ATRIP: variants seen among roughly 807,000 people sequenced by gnomAD.
ATRIP encodes the protein ATR interacting protein.
Under a neutral mutation model 78.1 loss-of-function variants are expected in ATRIP, and 44 were observed. That is an observed-to-expected ratio of 0.56 (90% confidence interval 0.44 to 0.72). The LOEUF (loss-of-function observed/expected upper bound fraction) is 0.72. Ranked by LOEUF, ATRIP falls within the 30% of genes least tolerant of loss-of-function variation. The pLI, the probability that ATRIP is intolerant of heterozygous loss-of-function variation, is 0.00. For synonymous variants in ATRIP, 388 were observed against 408.9 expected, an observed-to-expected ratio of 0.95 and a Z score of 0.62; for missense variants, 927 against 980.2, an observed-to-expected ratio of 0.95 and a Z score of 0.72.
At chr3:48,464,452 C>A in intron 10 of ATRIP, 130 bp from the exon 11 acceptor site, 1 of 1,078,604 alleles carries the variant, frequency 9.3e-7, no homozygotes, top group Non-Finnish European at 1.4e-6. Context: ...GGTCCCACAC[C>A]ACTTCTTGGA....
chr3:48,449,906 C>G, intron 1 of ATRIP, 131 bp from the exon 2 acceptor site: 1 of 1,019,428 alleles, frequency 9.8e-7, no homozygotes, highest in East Asian at 2.5e-5. Flanking sequence ...CCACTGCACT[C>G]CAACCTGGGT....
In ATRIP at chr3:48,466,132, G is replaced by C. The variant is rs1043666646; in HGVS notation, c.*578G>C. 1.2e-5 allele frequency: 5 copies of C among 428,646 alleles called. No homozygotes were observed. Among genetic ancestry groups the C allele is most frequent in the African/African-American group, 4.0e-5 (2 of 49,634 alleles). The allele number at this position is 428,646 out of a possible 1,614,324, so 26.6% of individuals were successfully genotyped here. A position where few individuals can be genotyped will look rare whatever the true frequency, so the allele number is the denominator to read the frequency against. ...CCCGGGAGCAGGGGAGTGGGTGTGG[G>C]GGGGAACGGATGGTGGTGAGAGGGA... is the stretch of plus-strand genomic sequence containing the variant. On this transcript the variant is annotated 3_prime_UTR_variant, in exon 13 of 13. Coordinates refer to ENST00000320211, the MANE Select transcript of ATRIP (RefSeq NM_130384.3).
At position 48,465,776 on chromosome 3, in the gene ATRIP, G is replaced by A. The variant is rs1190288028; in HGVS notation, c.*222G>A. ...GGCTGTTGCTGAGCCCGTCCCCATG[G>A]TAACTGATCTGCCTTGAGGAAGGAG... is the stretch of plus-strand genomic sequence containing the variant. On this transcript the variant is annotated 3_prime_UTR_variant, in exon 13 of 13. Transcript: ENST00000320211. 3 of 525,512 alleles carry A rather than the reference G, an allele frequency of 5.7e-6. No individual in the cohort carries two copies. In the African/African-American group the frequency reaches 5.8e-5, roughly 10 times the overall value. 32.6% of individuals were successfully genotyped at this position (525,512 alleles called of 1,614,324 possible).
chr3:48,464,475 A>C (rs189157433), intron 10 of ATRIP, 107 bp from the exon 11 acceptor site: 117 of 1,254,276 alleles, frequency 9.3e-5, no homozygotes, highest in Admixed American at 5.9e-4. Context: ...CCATTTGTGC[A>C]GACAAACAGT....
At chr3:48,460,048 T>C (rs1263200987) in intron 7 of ATRIP, 62 bp from the exon 8 acceptor site, 2 of 1,558,050 alleles carry the variant, frequency 1.3e-6, no homozygotes, top group African/African-American at 1.4e-5. Flanking sequence ...GCAGGCTGTT[T>C]GGGGCTCTTG....
At chr3:48,455,868 C>G (rs1054713900) in intron 4 of ATRIP, among the ~76,000 whole-genome samples, 24 of 151,968 alleles carry the variant, frequency 1.6e-4, no homozygotes, top group Non-Finnish European at 3.5e-4. Flanking sequence ...CACCTGTAAT[C>G]CCAACACTTT....
rs2040080036 is a variant in ATRIP, at chr3:48,460,662, C to T, written c.1608C>T (p.His536=). 1.2e-6 allele frequency: 2 copies of T among 1,614,166 alleles called. No homozygotes were observed. Among genetic ancestry groups the T allele is most frequent in the Admixed American group, 1.7e-5 (1 of 60,028 alleles). The stretch of plus-strand genomic sequence containing the variant: ...GGGTTGCTGATGACCAAGGACAGCA[C>T]CCACTGTTGAAGATGCTTCTTCACC... The part of the protein sequence containing the change: ...LRGVADDQGQ[H]PLLKMLLHLL... The change falls in exon 8 of 13, where the codon CAC becomes CAT. Residue 536 remains histidine (H), a synonymous_variant. Transcript: ENST00000320211.
chr3:48,466,269 G>A lies in ATRIP; in HGVS notation c.*715G>A, dbSNP rs891015695. On this transcript the variant is annotated 3_prime_UTR_variant, in exon 13 of 13. Transcript: ENST00000320211. ...CTGCCAGCGAGAGCCGCGGGAGAGT[G>A]TGCAGCCGAGTCACTACTGCCTGCC... The A allele has an allele frequency of 1.6e-6, 1 of 636,266 alleles. No individual in the cohort carries two copies. The highest frequency in any genetic ancestry group is 2.5e-5 in the Admixed American group (1 of 39,710). The allele number at this position is 636,266 out of a possible 1,614,324, so 39.4% of individuals were successfully genotyped here.
chr3:48,460,893 C>T (rs746582647), intron 8 of ATRIP, 94 bp downstream of exon 8: 3 of 1,196,068 alleles, frequency 2.5e-6, no homozygotes, highest in Non-Finnish European at 3.5e-6. Context: ...CACATCTTGA[C>T]TTATCTACAC....
In ATRIP at chr3:48,465,498, G is replaced by T; in HGVS notation, c.2320G>T (p.Asp774Tyr). The change falls in exon 13 of 13, where the codon GAT becomes TAT. Residue 774 changes from aspartate (D) to tyrosine (Y), a missense_variant. By Grantham distance (160) the Asp-to-Tyr change is radical (BLOSUM62 -3). Transcript: ENST00000320211. ...DVTDCEEAAL[D>Y]DLCAAETDVE... ...CCTTTTTGTCTCAGAGGCAGCCCTG[G>T]ATGACCTCTGTGCCGCGGAAACCGA... 6.2e-7 allele frequency: 1 copy of T among 1,613,994 alleles called. No homozygotes were observed. The highest frequency in any genetic ancestry group is 8.5e-7 in the Non-Finnish European group (1 of 1,179,966).
intron 4 of ATRIP, among the ~76,000 whole-genome samples, chr3:48,455,824 C>T (rs541239375): frequency 5.3e-5 from 8 of 151,732 alleles, no homozygotes; most frequent in Non-Finnish European, 1.2e-4. Context: ...ATTAAAAAAT[C>T]GTTTGTTCCA....
chr3:48,461,067 G>A (rs1283792328), intron 8 of ATRIP, among the ~76,000 whole-genome samples: 1 of 152,208 alleles, frequency 6.6e-6, no homozygotes, highest in Non-Finnish European at 1.5e-5. Flanking sequence ...GTGGAGGAGG[G>A]CCCTGCCCCA....
At chr3:48,456,600 CAAAAAAA>C (rs1206195014) in intron 4 of ATRIP, among the ~76,000 whole-genome samples, 1 of 66,280 alleles carries the variant, frequency 1.5e-5, no homozygotes. Flanking sequence ...CCTGTCTCAC[CAAAAAAA>C]AAAAAAAAAA....
chr3:48,446,880 G>A lies in ATRIP; in HGVS notation c.35G>A (p.Arg12Gln). The part of the protein sequence containing the change: ...AGTSAPGSKR[R>Q]SEPPAPRPGP... ...ACCTCCGCGCCAGGCAGCAAGAGGC[G>A]GAGCGAGCCCCCGGCGCCTCGCCCC... The change falls in exon 1 of 13, where the codon CGG becomes CAG. Residue 12 changes from arginine to glutamine, a missense_variant. By Grantham distance (43) the Arg-to-Gln change is conservative. Transcript: ENST00000320211. 7.1e-7 allele frequency: 1 copy of A among 1,400,814 alleles called. No individual in the cohort carries two copies. The highest frequency in any genetic ancestry group is 1.9e-5 in the South Asian group (1 of 53,778). The allele number at this position is 1,400,814 out of a possible 1,614,324, so 86.8% of individuals were successfully genotyped here.
rs981965895 is a variant in ATRIP at position 48,466,233 on chromosome 3, TC to T, written c.*682del. On this transcript the variant is annotated 3_prime_UTR_variant, in exon 13 of 13. Transcript: ENST00000320211. ...AGGCGGGCCCACGCCAAGTTTCACT[TC>T]CCGCCACTGCTGCCAGCGAGAGCCG... 1 of 591,846 alleles carries T rather than the reference TC, an allele frequency of 1.7e-6. No individual in the cohort carries two copies. The highest frequency in any genetic ancestry group is 1.9e-5 in the African/African-American group (1 of 53,866). The allele number at this position is 591,846 out of a possible 1,614,324, so 36.7% of individuals were successfully genotyped here. A position where few individuals can be genotyped will look rare whatever the true frequency, so the allele number is the denominator to read the frequency against.
intron 8 of ATRIP, among the ~76,000 whole-genome samples, chr3:48,462,439 C>T (rs184984197): frequency 3.5e-3 from 533 of 152,292 alleles, no homozygotes; most frequent in Non-Finnish European, 4.6e-3. Flanking sequence ...CATGGTGGCT[C>T]ACGCCTGTAA....
intron 3 of ATRIP, among the ~76,000 whole-genome samples, chr3:48,453,090 T>C (rs115058240): frequency 0.014 from 2,089 of 152,054 alleles, 39 homozygotes; most frequent in African/African-American, 0.047. Flanking sequence ...TGCTGTATTC[T>C]CCAAGCCGTT....
intron 4 of ATRIP, among the ~76,000 whole-genome samples, chr3:48,456,657 A>C (rs993782451): frequency 2.0e-5 from 3 of 151,078 alleles, no homozygotes; most frequent in Non-Finnish European, 4.4e-5. Flanking sequence ...AATCCCAGCT[A>C]CTCAGGAGGC....
intron 1 of ATRIP, 133 bp from the exon 2 acceptor site, chr3:48,449,904 C>A: frequency 1.0e-6 from 1 of 991,310 alleles, no homozygotes; most frequent in Non-Finnish European, 1.5e-6. Flanking sequence ...CACCACTGCA[C>A]TCCAACCTGG....
Sources: gnomAD v4.1 joint callset for allele counts (sites outside exome capture counted in the v4.1 genomes callset) on GRCh38, gnomAD v4.1.1 for gene constraint, MANE v1.5 for transcripts, NCBI Gene and HGNC (gene_info 2026-07-23, HGNC 2026-07-21) for gene names.